Variants in DDX42 observed in about 807,000 individuals in gnomAD.
DDX42 encodes the protein ATP-dependent RNA helicase DDX42.
Under a neutral mutation model 101.5 loss-of-function variants are expected in DDX42, and 22 were observed. That is an observed-to-expected ratio of 0.22 (90% CI 0.15 to 0.31). The LOEUF (loss-of-function observed/expected upper bound fraction) is 0.31, where lower values mean the gene tolerates loss of function less well. DDX42 is among the 10% of genes least tolerant of loss of function. The pLI is 1.00. For synonymous variants in DDX42, 402 were observed against 401.2 expected (o/e 1.00, Z -0.02); for missense variants, 849 against 1,199.9 (o/e 0.71, Z 4.32).
At chr17:63,798,530 A>G (rs2039721042) in intron 4 of DDX42, among the ~76,000 whole-genome samples, 2 of 152,234 alleles carry the variant, frequency 1.3e-5, no homozygotes, top group Admixed American at 1.3e-4. Flanking sequence ...CACAGGTTTG[A>G]ACTGCGTGAG....
chr17:63,816,993 C>G, intron 17 of DDX42, 27 bp downstream of exon 17: 1 of 1,594,788 alleles, frequency 6.3e-7, no homozygotes, highest in South Asian at 1.1e-5. Flanking sequence ...TCATTAAAAG[C>G]ACTTTCAGCA....
In DDX42 at chr17:63,787,173, A is replaced by G. The variant is rs1215199854; in HGVS notation, c.124A>G (p.Thr42Ala). The change falls in exon 2 of 18, where the codon ACC (threonine) becomes GCC (alanine). Residue 42 changes from threonine (T) to alanine (A), a missense_variant. Physicochemically the swap from Thr to Ala is moderately conservative, Grantham distance 58 (BLOSUM62 0). Coordinates refer to ENST00000389924, the MANE Select transcript of DDX42 (RefSeq NM_203499.3). ...PQQSHSAFGA[T>A]SSSSGFGKSA... ...GCAGTCCCACAGTGCCTTTGGGGCA[A>G]CCAGCTCTTCTTCTGGATTTGGAAA... The G allele has an allele frequency of 2.5e-6, 4 of 1,614,068 alleles. No individual in the cohort carries two copies. The highest frequency in any genetic ancestry group is 2.7e-5 in the African/African-American group (2 of 74,918).
intron 17 of DDX42, 44 bp downstream of exon 17, chr17:63,817,010 C>G: frequency 6.4e-7 from 1 of 1,563,978 alleles, no homozygotes; most frequent in Non-Finnish European, 8.8e-7. Context: ...AGCAGTAACT[C>G]TTGGGCAGTG....
chr17:63,811,948 C>T lies in DDX42; in HGVS notation c.1415C>T (p.Thr472Ile), dbSNP rs2039915774. The change falls in exon 14 of 18, where the codon ACA becomes ATA. Residue 472 changes from threonine to isoleucine, a missense_variant. This residue lies in a region of DDX42 where 370 missense variants were observed against 608.8 expected (regional missense o/e 0.61). Coordinates refer to ENST00000389924, the MANE Select transcript of DDX42 (RefSeq NM_203499.3). ...GDIGEANEDV[T>I]QIVEILHSGP... ...CCTTCTCAGGCAAATGAAGATGTGA[C>T]ACAGATTGTGGAGATTCTCCATTCT... 6.2e-7 allele frequency: 1 copy of T among 1,614,104 alleles called. No homozygotes were observed. The highest frequency in any genetic ancestry group is 8.5e-7 in the Non-Finnish European group (1 of 1,180,060).
At chr17:63,784,978 A>G (rs150545012) in intron 1 of DDX42, among the ~76,000 whole-genome samples, 1 of 152,368 alleles carries the variant, frequency 6.6e-6, no homozygotes, top group African/African-American at 2.4e-5. Flanking sequence ...GTATATCATT[A>G]GGTGAAGAAA....
At chr17:63,778,205 G>A (rs1242302170) in intron 1 of DDX42, among the ~76,000 whole-genome samples, 11 of 152,212 alleles carry the variant, frequency 7.2e-5, no homozygotes, top group Admixed American at 6.5e-4. Flanking sequence ...TTCACTGTGT[G>A]TCTCACTATT....
chr17:63,808,047 C>T, intron 9 of DDX42, 147 bp downstream of exon 9: 2 of 740,724 alleles, frequency 2.7e-6, no homozygotes, highest in Non-Finnish European at 4.2e-6. Context: ...TTTTAATGTA[C>T]AGTTCAGTGG....
intron 10 of DDX42, 55 bp downstream of exon 10, chr17:63,809,003 T>C: frequency 6.3e-7 from 1 of 1,591,706 alleles, no homozygotes; most frequent in Non-Finnish European, 8.6e-7. Context: ...ATGGAAAACA[T>C]GATTAGTTTT....
intron 1 of DDX42, among the ~76,000 whole-genome samples, chr17:63,784,578 C>T (rs1339155757): frequency 6.6e-6 from 1 of 152,024 alleles, no homozygotes; most frequent in African/African-American, 2.4e-5. Flanking sequence ...GCCAGGATTT[C>T]GAGACCAGCC....
intron 2 of DDX42, among the ~76,000 whole-genome samples, chr17:63,790,159 C>CA (rs1410248071): frequency 6.6e-6 from 1 of 151,944 alleles, no homozygotes; most frequent in Non-Finnish European, 1.5e-5. Context: ...AAAAAACAAA[C>CA]AAAAAACTAA....
chr17:63,793,185 T>C (rs960873966), intron 3 of DDX42, among the ~76,000 whole-genome samples: 7 of 152,146 alleles, frequency 4.6e-5, no homozygotes, highest in African/African-American at 2.4e-5. Context: ...CTTTATTAGT[T>C]AACAACTTTT....
chr17:63,806,745 TTAGTG>T (rs1212502704), intron 8 of DDX42, 91 bp downstream of exon 8: 13 of 1,415,598 alleles, frequency 9.2e-6, no homozygotes, highest in Non-Finnish European at 1.1e-5. Context: ...AAAACAGTGT[TTAGTG>T]TAGAACCTTG....
chr17:63,778,411 G>T (rs1423824933), intron 1 of DDX42, among the ~76,000 whole-genome samples: 2 of 152,150 alleles, frequency 1.3e-5, no homozygotes, highest in Non-Finnish European at 2.9e-5. Context: ...ACTTAAGTCT[G>T]CAATAGCTTG....
intron 6 of DDX42, among the ~76,000 whole-genome samples, chr17:63,804,027 T>A (rs1775846003): frequency 6.6e-6 from 1 of 152,196 alleles, no homozygotes; most frequent in Non-Finnish European, 1.5e-5. Flanking sequence ...GCTATTTAAG[T>A]CGACATTAAT....
chr17:63,811,206 T>C, intron 13 of DDX42, 33 bp downstream of exon 13: 1 of 1,479,304 alleles, frequency 6.8e-7, no homozygotes, highest in Non-Finnish European at 9.3e-7. Context: ...GGGACCTTAA[T>C]GGGTTTATTT....
At chr17:63,806,431 T>C in intron 7 of DDX42, 104 bp from the exon 8 acceptor site, 1 of 1,307,220 alleles carries the variant, frequency 7.6e-7, no homozygotes, top group Non-Finnish European at 1.0e-6. Context: ...GTATTTTTAC[T>C]TCATACTCCA....
At chr17:63,793,020 C>CT (rs5821403) in intron 3 of DDX42, among the ~76,000 whole-genome samples, 2,557 of 152,200 alleles carry the variant, frequency 0.017, 71 homozygotes, top group African/African-American at 0.058. Context: ...CTCCTTGAAA[C>CT]TCTTCTCACT....
intron 7 of DDX42, 171 bp downstream of exon 7, chr17:63,805,346 T>G: frequency 1.2e-6 from 1 of 804,866 alleles, no homozygotes; most frequent in Admixed American, 3.6e-5. Context: ...TTTGATTGTT[T>G]TAGTCTTCTA....
At chr17:63,777,315 A>T (rs1223299373) in intron 1 of DDX42, among the ~76,000 whole-genome samples, 1 of 152,238 alleles carries the variant, frequency 6.6e-6, no homozygotes, top group Non-Finnish European at 1.5e-5. Flanking sequence ...TACATATTGA[A>T]TAAATGAGTA....
Sources: gnomAD v4.1 joint callset for allele counts (sites outside exome capture counted in the v4.1 genomes callset) on GRCh38, gnomAD v4.1.1 for gene constraint, gnomAD v4.1.1 regional missense constraint, MANE v1.5 for transcripts, NCBI Gene and HGNC (gene_info 2026-07-23, HGNC 2026-07-21) for gene names.